WDPCP: variants seen among roughly 807,000 people sequenced by gnomAD.
WDPCP encodes WD repeat containing planar cell polarity effector, also known as WD repeat-containing and planar cell polarity effector protein fritz homolog.
Under a neutral mutation model 93.1 loss-of-function variants are expected in WDPCP, and 71 were observed. That is an observed-to-expected ratio of 0.76 (90% CI 0.63 to 0.93). The LOEUF (loss-of-function observed/expected upper bound fraction) is 0.93, where lower values mean the gene tolerates loss of function less well. WDPCP is among the 40% of genes least tolerant of loss of function. The pLI is 0.00. For missense variants in WDPCP, 844 were observed against 887.4 expected, an observed-to-expected ratio of 0.95 and a Z score of 0.62; for synonymous variants, 315 against 315.0, an observed-to-expected ratio of 1.00 and a Z score of 0.00.
At chr2:63,332,961 C>T (rs1321311257) in intron 12 of WDPCP, among the ~76,000 whole-genome samples, 9 of 152,110 alleles carry the variant, frequency 5.9e-5, no homozygotes. Flanking sequence ...TAATGTTAAT[C>T]TTCTATCCAC....
At chr2:63,259,591 C>T (rs1385890102) in intron 13 of WDPCP, among the ~76,000 whole-genome samples, 182 bp from the exon 14 acceptor site, 1 of 152,128 alleles carries the variant, frequency 6.6e-6, no homozygotes, top group African/African-American at 2.4e-5. Context: ...TTGGAGATCA[C>T]AGCTATAACT....
chr2:63,730,870 T>C (rs1450645440), intron 2 of WDPCP, among the ~76,000 whole-genome samples: 3 of 151,950 alleles, frequency 2.0e-5, no homozygotes, highest in African/African-American at 7.3e-5. Context: ...TTCCAATCTT[T>C]AGAAAGTTGG....
Position 63,484,596 on chromosome 2 carries a change from C to T in WDPCP, c.384+8G>A. The T allele has an allele frequency of 6.2e-7, 1 of 1,612,720 alleles. No individual in the cohort carries two copies. The highest frequency in any genetic ancestry group is 8.5e-7 in the Non-Finnish European group (1 of 1,179,122). On this transcript the variant is annotated splice_region_variant and intron_variant, in intron 6 of 17. Transcript: ENST00000272321. Reference sequence around the variant, plus strand: ...TAAACACTGCAAAGGCTTGTCAAATCATTTTACCTGACAGACATATTTGTT... The same window carrying T: ...TAAACACTGCAAAGGCTTGTCAAATTATTTTACCTGACAGACATATTTGTT...
chr2:63,838,703 T>G, the WDPCP span, among the ~76,000 whole-genome samples: 1 of 152,290 alleles, frequency 6.6e-6, no homozygotes, highest in East Asian at 1.9e-4. Flanking sequence ...AAAAAAGGAT[T>G]AAAGATACAC....
chr2:63,161,329 C>G (rs1672626392), intron 15 of WDPCP, among the ~76,000 whole-genome samples: 1 of 152,212 alleles, frequency 6.6e-6, no homozygotes, highest in Non-Finnish European at 1.5e-5. Context: ...ATGTGCTTTT[C>G]ACTTTCCATA....
chr2:63,674,454 A>G (rs1710380089), intron 2 of WDPCP, among the ~76,000 whole-genome samples: 1 of 152,228 alleles, frequency 6.6e-6, no homozygotes, highest in South Asian at 2.1e-4. Flanking sequence ...GCACAGCAGG[A>G]TAAATACTGC....
At chr2:63,576,623 G>A (rs1436600634) in intron 1 of WDPCP, among the ~76,000 whole-genome samples, 1 of 152,154 alleles carries the variant, frequency 6.6e-6, no homozygotes, top group Non-Finnish European at 1.5e-5. Flanking sequence ...CAATAGTCAT[G>A]AGAGAATCTA....
At position 63,675,153 on chromosome 2, in the gene WDPCP, G is replaced by A. The variant is rs1710389738; in HGVS notation, n.309-24315C>T. On this transcript the variant is annotated intron_variant and non_coding_transcript_variant, in intron 2 of 4. Transcript: ENST00000467687. ...CGCTGGGAGCTCAGGAATTTTCAGT[G>A]CCTTCTGGAACTACTCAGGATTGTG... is the stretch of plus-strand genomic sequence containing the variant. 2.0e-5 allele frequency among the ~76,000 whole-genome samples: 3 copies of A among 152,046 alleles called. No individual in the cohort carries two copies. In the South Asian group the frequency reaches 6.2e-4, roughly 32 times the overall value.
chr2:63,822,361 C>G (rs1671037464), intron 1 of WDPCP, among the ~76,000 whole-genome samples: 1 of 151,816 alleles, frequency 6.6e-6, no homozygotes, highest in Non-Finnish European at 1.5e-5. Flanking sequence ...CAATATGTTA[C>G]CTATTTATTA....
chr2:63,218,432 A>G (rs1337071331), intron 14 of WDPCP, among the ~76,000 whole-genome samples: 1 of 152,208 alleles, frequency 6.6e-6, no homozygotes, highest in East Asian at 1.9e-4. Context: ...TGATGGGAAC[A>G]TATATGTGTT....
At chr2:63,572,015 A>T (rs915426351) in intron 1 of WDPCP, among the ~76,000 whole-genome samples, 3 of 152,206 alleles carry the variant, frequency 2.0e-5, no homozygotes, top group Non-Finnish European at 4.4e-5. Context: ...ACTTTAACAG[A>T]AAGGAAAATT....
chr2:63,230,038 AAC>A (rs1678698140), intron 14 of WDPCP, among the ~76,000 whole-genome samples: 2 of 149,820 alleles, frequency 1.3e-5, no homozygotes, highest in African/African-American at 4.9e-5. Context: ...TGCACCCCTT[AAC>A]TCATCATTTG....
chr2:63,423,872 C>G (rs1375317165), intron 9 of WDPCP, among the ~76,000 whole-genome samples: 2 of 152,030 alleles, frequency 1.3e-5, no homozygotes, highest in Non-Finnish European at 2.9e-5. Context: ...CAACTAGACA[C>G]AGCCAGGACG....
intron 14 of WDPCP, among the ~76,000 whole-genome samples, chr2:63,187,658 A>G (rs1255353614): frequency 6.6e-6 from 1 of 152,164 alleles, no homozygotes; most frequent in Admixed American, 6.5e-5. Context: ...TGTTATATAT[A>G]TTGTGTACCA....
intron 6 of WDPCP, among the ~76,000 whole-genome samples, chr2:63,475,046 T>A (rs1327008291): frequency 6.6e-6 from 1 of 152,130 alleles, no homozygotes; most frequent in Non-Finnish European, 1.5e-5. Context: ...AATACTTTTT[T>A]TTTAAGTGGG....
intron 6 of WDPCP, chr2:63,442,659 C>G (rs1697578102): frequency 6.6e-6 from 1 of 152,152 alleles, no homozygotes; most frequent in Non-Finnish European, 1.5e-5. Context: ...GTTGCCTCTC[C>G]CATTGGCTAT....
At chr2:63,239,859 C>T (rs1679724458) in intron 14 of WDPCP, among the ~76,000 whole-genome samples, 2 of 152,008 alleles carry the variant, frequency 1.3e-5, no homozygotes, top group South Asian at 2.1e-4. Context: ...AAAGCAATTT[C>T]CCCTCTAAGG....
At chr2:63,814,047 T>G (rs1231349966) in intron 1 of WDPCP, among the ~76,000 whole-genome samples, 1 of 152,166 alleles carries the variant, frequency 6.6e-6, no homozygotes. Flanking sequence ...AAAATATAAA[T>G]TTGATAGGAA....
At chr2:63,440,186 G>A in intron 6 of WDPCP, 7 of 235,706 alleles carry the variant, frequency 3.0e-5, no homozygotes, top group Non-Finnish European at 5.9e-5. Flanking sequence ...GCTTTGTTTT[G>A]GATTCAGAAA....
Sources: allele counts gnomAD v4.1 joint callset (sites outside exome capture counted in the v4.1 genomes callset), GRCh38; gene constraint gnomAD v4.1.1; transcripts MANE v1.5; gene names NCBI Gene and HGNC (gene_info 2026-07-23, HGNC 2026-07-21).